ZFPM2: variants seen among roughly 807,000 people sequenced by gnomAD.
ZFPM2 encodes the protein zinc finger protein, FOG family member 2, also known as zinc finger protein ZFPM2.
In ZFPM2, 20 loss-of-function variants were observed where a neutral mutation model predicts 98.6. The observed-to-expected ratio is 0.20, with a 90% CI of 0.14 to 0.29. ZFPM2 has a LOEUF of 0.29. Ranked by LOEUF, ZFPM2 falls within the 10% of genes least tolerant of loss-of-function variation. ZFPM2 has a pLI of 1.00. For missense variants in ZFPM2, 1,310 were observed against 1,388.6 expected, an observed-to-expected ratio of 0.94 and a Z score of 0.90; for synonymous variants, 518 against 502.7, an observed-to-expected ratio of 1.03 and a Z score of -0.41.
intron 3 of ZFPM2, among the ~76,000 whole-genome samples, chr8:105,545,797 G>A (rs2130640532): frequency 6.6e-6 from 1 of 152,316 alleles, no homozygotes; most frequent in African/African-American, 2.4e-5. Flanking sequence ...CAGCCAGTAA[G>A]ATGAATAAAC....
At chr8:105,615,578 A>G (rs1380315400) in intron 4 of ZFPM2, among the ~76,000 whole-genome samples, 1 of 152,142 alleles carries the variant, frequency 6.6e-6, no homozygotes, top group African/African-American at 2.4e-5. Context: ...GCTTATTCAA[A>G]TTGCTAAATG....
chr8:105,579,661 CT>C (rs1398107287), intron 4 of ZFPM2, among the ~76,000 whole-genome samples: 1 of 152,130 alleles, frequency 6.6e-6, no homozygotes, highest in Non-Finnish European at 1.5e-5. Context: ...ATGAAAAATA[CT>C]GATGAGTCTG....
At chr8:105,625,634 G>T (rs1483161547) in intron 4 of ZFPM2, among the ~76,000 whole-genome samples, 6 of 151,118 alleles carry the variant, frequency 4.0e-5, no homozygotes, top group Non-Finnish European at 4.4e-5. Context: ...AGGCTGGAGT[G>T]CAGTGGTGCG....
chr8:105,480,864 C>T (rs112385510), intron 3 of ZFPM2, among the ~76,000 whole-genome samples: 2,273 of 151,864 alleles, frequency 0.015, 50 homozygotes, highest in African/African-American at 0.052. Flanking sequence ...CATTCTCCTG[C>T]CTCAGCCTCC....
At chr8:105,406,229 C>T (rs1448608665) in intron 1 of ZFPM2, among the ~76,000 whole-genome samples, 1 of 151,996 alleles carries the variant, frequency 6.6e-6, no homozygotes, top group Non-Finnish European at 1.5e-5. Flanking sequence ...TGTAGGTTGC[C>T]TGTTCACTCT....
chr8:105,351,122 G>T (rs1295602970), intron 1 of ZFPM2, among the ~76,000 whole-genome samples: 4 of 150,036 alleles, frequency 2.7e-5, no homozygotes, highest in Non-Finnish European at 5.9e-5. Flanking sequence ...GACAGAGGTT[G>T]CAGTGAGCCG....
intron 2 of ZFPM2, among the ~76,000 whole-genome samples, chr8:105,432,088 A>C (rs75793103): frequency 0.042 from 6,413 of 152,122 alleles, 449 homozygotes; most frequent in African/African-American, 0.15. Context: ...GTTGGGCCAG[A>C]GAGACCAGGA....
rs562352888 is a variant in ZFPM2 at position 105,743,216 on chromosome 8, G to A, written c.533-45502G>A. 1.7e-4 allele frequency among the ~76,000 whole-genome samples: 26 copies of A among 152,086 alleles called. 1 individual carries two copies. Among genetic ancestry groups the A allele is most frequent in the Admixed American group, 1.4e-3 (22 of 15,268 alleles). On this transcript the variant is annotated intron_variant, in intron 5 of 7. Transcript: ENST00000407775. ...GTGGGGCAAAGGGAATGGGCATAGA[G>A]GAAGGTGAAGATATTTTGCTGGTAA...
chr8:105,446,953 A>G (rs1198927257), intron 3 of ZFPM2, among the ~76,000 whole-genome samples: 4 of 152,136 alleles, frequency 2.6e-5, no homozygotes, highest in Non-Finnish European at 5.9e-5. Context: ...TGTTTTCGCT[A>G]TTGCATAAAC....
chr8:105,323,443 G>C (rs1437356134), intron 1 of ZFPM2, among the ~76,000 whole-genome samples: 1 of 151,420 alleles, frequency 6.6e-6, no homozygotes, highest in Admixed American at 6.6e-5. Context: ...CTACATTTTT[G>C]ACTGAGCAAC....
chr8:105,410,863 C>G (rs532623863), intron 1 of ZFPM2, among the ~76,000 whole-genome samples: 19 of 151,834 alleles, frequency 1.3e-4, no homozygotes, highest in African/African-American at 4.1e-4. Flanking sequence ...AAAAATCTAA[C>G]GTCCTACATT....
chr8:105,740,663 A>G (rs1812194005), intron 5 of ZFPM2, among the ~76,000 whole-genome samples: 2 of 151,142 alleles, frequency 1.3e-5, no homozygotes, highest in Non-Finnish European at 3.0e-5. Flanking sequence ...ACATTGCCCT[A>G]TCTCATTTAT....
chr8:105,396,217 G>C (rs1389875914), intron 1 of ZFPM2, among the ~76,000 whole-genome samples: 1 of 152,296 alleles, frequency 6.6e-6, no homozygotes, highest in East Asian at 1.9e-4. Context: ...GTTGAGGGGG[G>C]TGGCATTCAC....
chr8:105,495,314 G>A (rs1218772862), intron 3 of ZFPM2, among the ~76,000 whole-genome samples: 1 of 152,170 alleles, frequency 6.6e-6, no homozygotes, highest in Non-Finnish European at 1.5e-5. Context: ...TTCCCTGGGT[G>A]CAGCACACCA....
chr8:105,559,763 A>C (rs1815088316), intron 3 of ZFPM2, among the ~76,000 whole-genome samples: 1 of 152,166 alleles, frequency 6.6e-6, no homozygotes, highest in South Asian at 2.1e-4. Context: ...AAGAGATAGA[A>C]TTGAACTCAG....
At chr8:105,583,850 T>A (rs1815655220) in intron 4 of ZFPM2, among the ~76,000 whole-genome samples, 1 of 152,208 alleles carries the variant, frequency 6.6e-6, no homozygotes, top group Non-Finnish European at 1.5e-5. Flanking sequence ...ACCTGTCAAT[T>A]CATCACTCAT....
At chr8:105,351,010 C>G (rs1380496953) in intron 1 of ZFPM2, among the ~76,000 whole-genome samples, 1 of 151,752 alleles carries the variant, frequency 6.6e-6, no homozygotes, top group Non-Finnish European at 1.5e-5. Context: ...TGGTGAAACC[C>G]CATCTCTACT....
chr8:105,489,448 T>TATATATATATATATATATATATA (rs1489973438), intron 3 of ZFPM2, among the ~76,000 whole-genome samples: 9 of 108,812 alleles, frequency 8.3e-5, no homozygotes, highest in African/African-American at 2.7e-4. Context: ...ATATATGTTT[T>TATATATATATATATATATATATA]TATATATATA....
intron 5 of ZFPM2, among the ~76,000 whole-genome samples, chr8:105,651,577 C>A (rs1375796372): frequency 2.6e-5 from 4 of 151,940 alleles, no homozygotes; most frequent in Admixed American, 2.6e-4. Context: ...TTAACAGGTA[C>A]CATTAAATAT....
Sources: gnomAD v4.1 joint callset for allele counts (sites outside exome capture counted in the v4.1 genomes callset) on GRCh38, gnomAD v4.1.1 for gene constraint, MANE v1.5 for transcripts, NCBI Gene and HGNC (gene_info 2026-07-23, HGNC 2026-07-21) for gene names.